Variants in TBC1D19 observed in about 807,000 individuals in gnomAD.
TBC1D19 encodes the protein TBC1 domain family member 19, also known as TBC1 domain family, member 19.
A neutral mutation model predicts 89.0 loss-of-function variants in TBC1D19; 60 were observed. The observed-to-expected ratio is 0.67, with a 90% CI of 0.55 to 0.84. TBC1D19 has a LOEUF of 0.84. TBC1D19 is among the 40% of genes least tolerant of loss of function. TBC1D19 has a pLI of 0.00. For missense variants in TBC1D19, 500 were observed against 610.8 expected (o/e 0.82, Z 1.91); for synonymous variants, 189 against 199.7 (o/e 0.95, Z 0.45).
chr4:26,846,361 C>G, the TBC1D19 span, among the ~76,000 whole-genome samples: 5 of 152,112 alleles, frequency 3.3e-5, no homozygotes, highest in Admixed American at 2.0e-4. Flanking sequence ...ATTGGCACTT[C>G]ATTAGTCAAG....
the TBC1D19 span, among the ~76,000 whole-genome samples, chr4:26,773,362 T>C: frequency 4.4e-3 from 668 of 152,360 alleles, 19 homozygotes; most frequent in Admixed American, 0.039. Context: ...ATTCTGGATA[T>C]TAGACCTTTG....
chr4:26,817,368 C>T, the TBC1D19 span, among the ~76,000 whole-genome samples: 2 of 152,282 alleles, frequency 1.3e-5, no homozygotes, highest in African/African-American at 4.8e-5. Context: ...AACAAACGTC[C>T]TTTAACCAAC....
chr4:26,613,034 G>A (rs1741478563), intron 1 of TBC1D19, 135 bp from the exon 2 acceptor site: 1 of 619,962 alleles, frequency 1.6e-6, no homozygotes, highest in Non-Finnish European at 2.7e-6. Context: ...CTTCAAAGAG[G>A]ATTTTTCAAG....
Position 26,748,457 on chromosome 4 carries a change from T to G in TBC1D19, c.1366T>G (p.Leu456Val). Reference sequence around the variant, plus strand: ...GATGGTTCGAGCTTTCTCTGGATACTTAGCTACAGATCAGCTCTTGCTTTT... The same window carrying G: ...GATGGTTCGAGCTTTCTCTGGATACGTAGCTACAGATCAGCTCTTGCTTTT... The part of the protein sequence containing the change: ...KWMVRAFSGY[L>V]ATDQLLLLWD... The change falls in exon 19 of 21, where the codon TTA (leucine) becomes GTA (valine). Residue 456 changes from leucine (L) to valine (V), a missense_variant. Around this residue, in one of 2 missense-constraint regions of TBC1D19, gnomAD observed 220 missense variants for 319.1 expected, o/e 0.69. Coordinates refer to ENST00000264866, the MANE Select transcript of TBC1D19 (RefSeq NM_018317.4). 2 of 1,613,978 alleles carry G rather than the reference T, an allele frequency of 1.2e-6. No homozygotes were observed. The highest frequency in any genetic ancestry group is 1.7e-6 in the Non-Finnish European group (2 of 1,179,888).
chr4:26,599,454 T>C (rs1437540542), intron 1 of TBC1D19, among the ~76,000 whole-genome samples: 2 of 152,164 alleles, frequency 1.3e-5, no homozygotes, highest in Admixed American at 1.3e-4. Context: ...ACACAGAATA[T>C]TTCACAGCCA....
At chr4:26,576,847 G>A (rs1467771449) in intron 1 of TBC1D19, 4 of 456,090 alleles carry the variant, frequency 8.8e-6, no homozygotes, top group Non-Finnish European at 1.3e-5. Context: ...GCTATGTCAT[G>A]AACCTGTTGT....
chr4:26,858,224 C>G, the TBC1D19 span: 2 of 151,976 alleles, frequency 1.3e-5, no homozygotes, highest in African/African-American at 4.8e-5. Context: ...GAGCTCAATG[C>G]TGCCCATCAG....
At chr4:26,807,675 AC>A in the TBC1D19 span, among the ~76,000 whole-genome samples, 4 of 152,096 alleles carry the variant, frequency 2.6e-5, no homozygotes, top group African/African-American at 9.7e-5. Flanking sequence ...GCACGAAAGC[AC>A]CCAGCCCCCG....
the TBC1D19 span, among the ~76,000 whole-genome samples, chr4:26,772,107 G>C: frequency 6.7e-6 from 1 of 148,994 alleles, no homozygotes; most frequent in Admixed American, 6.9e-5. Flanking sequence ...TTGACATAAG[G>C]TAGTTTTAGC....
the TBC1D19 span, among the ~76,000 whole-genome samples, chr4:26,821,964 T>G: frequency 6.6e-6 from 1 of 152,242 alleles, no homozygotes; most frequent in Admixed American, 6.5e-5. Context: ...TGTTGACTCA[T>G]CTAAGACAAG....
At chr4:26,620,499 G>A (rs927457283) in intron 3 of TBC1D19, 114 bp from the exon 4 acceptor site, 9 of 826,092 alleles carry the variant, frequency 1.1e-5, no homozygotes, top group Non-Finnish European at 1.5e-5. Context: ...AGTACATTTT[G>A]AATATAAAAT....
intron 6 of TBC1D19, among the ~76,000 whole-genome samples, chr4:26,639,516 G>A (rs1044739129): frequency 5.3e-5 from 8 of 151,962 alleles, no homozygotes; most frequent in Admixed American, 3.3e-4. Flanking sequence ...TGAAAAATAC[G>A]TTTGAAGACT....
chr4:26,851,351 A>G, the TBC1D19 span, among the ~76,000 whole-genome samples: 4 of 150,098 alleles, frequency 2.7e-5, no homozygotes, highest in African/African-American at 9.9e-5. Flanking sequence ...CTATCTATCT[A>G]TCTATCTATC....
the TBC1D19 span, among the ~76,000 whole-genome samples, chr4:26,763,058 T>C: frequency 2.6e-5 from 4 of 152,248 alleles, no homozygotes; most frequent in East Asian, 7.7e-4. Flanking sequence ...GTTTACTGTA[T>C]TAACTGTAAC....
downstream of TBC1D19, among the ~76,000 whole-genome samples, chr4:26,759,832 A>T (rs1331522994): frequency 3.3e-5 from 5 of 152,144 alleles, no homozygotes. Flanking sequence ...TTGTATGAGT[A>T]TTTCACAATT....
chr4:26,856,774 T>C, the TBC1D19 span, among the ~76,000 whole-genome samples: 1 of 152,216 alleles, frequency 6.6e-6, no homozygotes. Context: ...CTGTCAGTTA[T>C]CATGTGATCA....
At position 26,672,200 on chromosome 4, in the gene TBC1D19, T is replaced by C. The variant is rs1268232421; in HGVS notation, c.703+13T>C. The C allele has an allele frequency of 1.5e-6, 2 of 1,322,058 alleles. No homozygotes were observed. The highest frequency in any genetic ancestry group is 3.0e-5 in the African/African-American group (2 of 66,142). The allele number at this position is 1,322,058 out of a possible 1,614,324, so 81.9% of individuals were successfully genotyped here. A position where few individuals can be genotyped will look rare whatever the true frequency, so the allele number is the denominator to read the frequency against. On this transcript the variant is annotated intron_variant, in intron 10 of 20. Coordinates refer to ENST00000264866, the MANE Select transcript of TBC1D19 (RefSeq NM_018317.4). ...ATTGGGCAAAAAGGTAAGCTTTTAA[T>C]TATAAATGTTATTATTTCTGAAAAG...
At chr4:26,591,881 G>A (rs945399102) in intron 1 of TBC1D19, among the ~76,000 whole-genome samples, 3 of 152,168 alleles carry the variant, frequency 2.0e-5, no homozygotes, top group Non-Finnish European at 2.9e-5. Context: ...AGGACCAGAC[G>A]GATTCACAGC....
chr4:26,687,492 GGAAAC>G (rs1335668410), intron 12 of TBC1D19, among the ~76,000 whole-genome samples: 8 of 152,028 alleles, frequency 5.3e-5, no homozygotes, highest in African/African-American at 1.7e-4. Flanking sequence ...CAATCCTGGG[GGAAAC>G]ACAAATGCTT....
Sources: gnomAD v4.1 joint callset for allele counts (sites outside exome capture counted in the v4.1 genomes callset) on GRCh38, gnomAD v4.1.1 for gene constraint, gnomAD v4.1.1 regional missense constraint, MANE v1.5 for transcripts, NCBI Gene and HGNC (gene_info 2026-07-23, HGNC 2026-07-21) for gene names.